The following GREB1L variants were observed in gnomAD, a reference collection of about 807,000 sequenced individuals.
GREB1L encodes GREB1-like protein.
A neutral mutation model predicts 200.8 loss-of-function variants in GREB1L; 17 were observed. The observed-to-expected ratio is 0.08, with a 90% CI of 0.06 to 0.13. The LOEUF (loss-of-function observed/expected upper bound fraction) is 0.13, where lower values mean the gene tolerates loss of function less well. Ranked by LOEUF, GREB1L falls within the 10% of genes least tolerant of loss-of-function variation. The pLI is 1.00. For synonymous variants in GREB1L, 789 were observed against 893.0 expected, an observed-to-expected ratio of 0.88 and a Z score of 2.08; for missense variants, 1,657 against 2,367.7, an observed-to-expected ratio of 0.70 and a Z score of 6.23.
chr18:21,440,394 A>T lies in GREB1L; in HGVS notation c.1069+6A>T. ...TCGCCCTCTTTCAAGAACGGGTAAG[A>T]TTTTAACAGAAGATGGATTGTAAGT... is the stretch of plus-strand genomic sequence containing the variant. On this transcript the variant is annotated splice_donor_region_variant and intron_variant, in intron 9 of 32. Coordinates refer to ENST00000424526, the MANE Select transcript of GREB1L (RefSeq NM_001142966.3). 6.4e-7 allele frequency: 1 copy of T among 1,550,648 alleles called. No homozygotes were observed. The highest frequency in any genetic ancestry group is 8.7e-7 in the Non-Finnish European group (1 of 1,146,242).
chr18:21,501,962 T>C (rs1010081866), intron 23 of GREB1L, among the ~76,000 whole-genome samples: 1 of 152,190 alleles, frequency 6.6e-6, no homozygotes, highest in Non-Finnish European at 1.5e-5. Context: ...AAGAGCAGTG[T>C]GGCTCGGCTC....
intron 7 of GREB1L, among the ~76,000 whole-genome samples, chr18:21,408,221 G>A (rs1288093752): frequency 1.3e-5 from 2 of 152,018 alleles, no homozygotes; most frequent in Non-Finnish European, 2.9e-5. Context: ...CAAAATATGT[G>A]TACCCCATAA....
intron 2 of GREB1L, among the ~76,000 whole-genome samples, chr18:21,378,626 T>C (rs2040175111): frequency 1.3e-5 from 2 of 152,258 alleles, no homozygotes; most frequent in South Asian, 4.2e-4. Context: ...CTGCCTGCCT[T>C]GGCCTCCCAA....
intron 5 of GREB1L, among the ~76,000 whole-genome samples, chr18:21,395,997 G>A (rs1249333714): frequency 6.6e-6 from 1 of 151,116 alleles, no homozygotes; most frequent in Non-Finnish European, 1.5e-5. Context: ...CAAAGTGATG[G>A]GATTACAGGC....
intron 1 of GREB1L, among the ~76,000 whole-genome samples, chr18:21,267,020 A>G (rs190217948): frequency 2.2e-4 from 33 of 148,412 alleles, no homozygotes; most frequent in Admixed American, 1.3e-3. Flanking sequence ...TGCAACCTCT[A>G]CTTCCTGGGT....
chr18:21,484,591 C>T lies in GREB1L; in HGVS notation c.2557-1029C>T, dbSNP rs188467581. Among the ~76,000 whole-genome samples, 47 of 152,192 alleles carry T rather than the reference C, an allele frequency of 3.1e-4. 1 individual carries two copies. In the East Asian group the frequency reaches 8.7e-3, roughly 28 times the overall value. ...CAGCACTTTGGGAGGCCAAGGCGGG[C>T]GGATCACCTGAGTCCAGGAATTTGA... On this transcript the variant is annotated intron_variant, in intron 17 of 32. Coordinates refer to ENST00000424526, the MANE Select transcript of GREB1L (RefSeq NM_001142966.3).
At chr18:21,290,412 C>G (rs1483774432) in intron 1 of GREB1L, among the ~76,000 whole-genome samples, 1 of 152,174 alleles carries the variant, frequency 6.6e-6, no homozygotes, top group African/African-American at 2.4e-5. Context: ...TATAAATTCC[C>G]TTTAAAAACA....
At chr18:21,445,690 G>T (rs568682258) in intron 11 of GREB1L, among the ~76,000 whole-genome samples, 5 of 152,248 alleles carry the variant, frequency 3.3e-5, no homozygotes, top group African/African-American at 1.2e-4. Flanking sequence ...ATCTTGACTA[G>T]AACTCTGTGC....
intron 2 of GREB1L, among the ~76,000 whole-genome samples, chr18:21,378,540 A>G (rs1176294789): frequency 6.6e-6 from 1 of 152,032 alleles, no homozygotes; most frequent in East Asian, 1.9e-4. Flanking sequence ...TGCCTGGTTA[A>G]TTTTTTGTAT....
chr18:21,253,270 T>G (rs1315312059), intron 1 of GREB1L, among the ~76,000 whole-genome samples: 105 of 149,524 alleles, frequency 7.0e-4, no homozygotes, highest in African/African-American at 2.5e-3. Flanking sequence ...TTTTTTTTTT[T>G]GAGATGGAGT....
chr18:21,397,742 G>A (rs2041145573), intron 5 of GREB1L, among the ~76,000 whole-genome samples: 1 of 152,152 alleles, frequency 6.6e-6, no homozygotes, highest in Non-Finnish European at 1.5e-5. Flanking sequence ...GTGAAATTGA[G>A]CAGATGGTTT....
intron 1 of GREB1L, among the ~76,000 whole-genome samples, chr18:21,309,590 C>T (rs1176095375): frequency 7.2e-5 from 11 of 152,284 alleles, no homozygotes; most frequent in East Asian, 1.9e-4. Flanking sequence ...CTGCACCTTA[C>T]GAAATGACTA....
At chr18:21,368,363 A>G (rs1408755259) in intron 2 of GREB1L, among the ~76,000 whole-genome samples, 1 of 152,236 alleles carries the variant, frequency 6.6e-6, no homozygotes, top group African/African-American at 2.4e-5. Flanking sequence ...AAACTGACAA[A>G]TACGATTAGC....
rs1320488728 is a variant in GREB1L at position 21,524,512 on chromosome 18, A to C, written c.*1691A>C. On this transcript the variant is annotated 3_prime_UTR_variant, in exon 33 of 33. Transcript: ENST00000424526. ...TATGTTTTGAAGCAATTTGGTTTAA[A>C]TATGAATGTATTTCACTTGTTCCTG... 6.6e-6 allele frequency: 1 copy of C among 152,202 alleles called. No individual in the cohort carries two copies. The highest frequency in any genetic ancestry group is 2.4e-5 in the African/African-American group (1 of 41,448). The allele number at this position is 152,202 out of a possible 1,614,324, so 9.4% of individuals were successfully genotyped here.
chr18:21,264,996 G>T (rs1390562278), intron 1 of GREB1L, among the ~76,000 whole-genome samples: 1 of 152,088 alleles, frequency 6.6e-6, no homozygotes, highest in Admixed American at 6.6e-5. Flanking sequence ...CATTCTTGCT[G>T]TTACTAAGGT....
chr18:21,399,368 A>C (rs991254043), intron 5 of GREB1L, among the ~76,000 whole-genome samples: 4 of 152,142 alleles, frequency 2.6e-5, no homozygotes, highest in African/African-American at 9.7e-5. Context: ...AGTGCTAAAA[A>C]ACCTGGTGCC....
chr18:21,281,959 T>C (rs1337663404), intron 1 of GREB1L, among the ~76,000 whole-genome samples: 3 of 152,178 alleles, frequency 2.0e-5, no homozygotes, highest in Admixed American at 2.0e-4. Context: ...ATATATATTA[T>C]AAATATCTGT....
At chr18:21,493,394 CA>C (rs1020791946) in intron 19 of GREB1L, among the ~76,000 whole-genome samples, 78 of 152,226 alleles carry the variant, frequency 5.1e-4, no homozygotes, top group African/African-American at 1.7e-3. Context: ...ATGATCACCC[CA>C]TCTTTTGTGT....
chr18:21,382,677 G>A (rs1253749218), intron 2 of GREB1L, among the ~76,000 whole-genome samples: 1 of 151,858 alleles, frequency 6.6e-6, no homozygotes, highest in Non-Finnish European at 1.5e-5. Context: ...TTTTAGTAGA[G>A]ACGGGGTTTC....
Sources: allele counts gnomAD v4.1 joint callset (sites outside exome capture counted in the v4.1 genomes callset), GRCh38; gene constraint gnomAD v4.1.1; transcripts MANE v1.5; gene names NCBI Gene and HGNC (gene_info 2026-07-23, HGNC 2026-07-21).